The following SH3RF2 variants were observed in gnomAD, a reference collection of about 807,000 sequenced individuals.
SH3RF2 encodes the protein SH3 domain containing ring finger 2.
A neutral mutation model predicts 59.0 loss-of-function variants in SH3RF2; 43 were observed. That is an observed-to-expected ratio of 0.73 (90% CI 0.57 to 0.94). The LOEUF is 0.94. Ranked by LOEUF, SH3RF2 falls within the 40% of genes least tolerant of loss-of-function variation. SH3RF2 has a pLI of 0.00. For missense variants in SH3RF2, 930 were observed against 940.1 expected, an observed-to-expected ratio of 0.99 and a Z score of 0.14; for synonymous variants, 391 against 391.5, an observed-to-expected ratio of 1.00 and a Z score of 0.01.
intron 9 of SH3RF2, among the ~76,000 whole-genome samples, chr5:146,068,684 T>G (rs574880676): frequency 1.3e-5 from 2 of 152,306 alleles, no homozygotes; most frequent in Admixed American, 1.3e-4. Context: ...TTTCCAGGCC[T>G]AGATTATGTC....
chr5:146,047,497 G>A (rs554567364), intron 5 of SH3RF2, among the ~76,000 whole-genome samples: 27 of 152,176 alleles, frequency 1.8e-4, no homozygotes, highest in African/African-American at 5.8e-4. Flanking sequence ...GTGCCCTGTG[G>A]ACTGTAAATT....
chr5:145,948,345 G>A (rs1006058107), intron 2 of SH3RF2, among the ~76,000 whole-genome samples: 4 of 152,222 alleles, frequency 2.6e-5, no homozygotes, highest in Non-Finnish European at 5.9e-5. Flanking sequence ...ATGACACTGA[G>A]GATTGCAAAC....
In SH3RF2 at chr5:145,957,554, G is replaced by A. The variant is rs531852210; in HGVS notation, c.378+19248G>A. ...AACTATTGCAGCCCCTATGTGAGGT[G>A]GGTACTATTATCTCTATTCCCATTT... On this transcript the variant is annotated intron_variant, in intron 2 of 9. Coordinates refer to ENST00000359120, the MANE Select transcript of SH3RF2 (RefSeq NM_152550.4). 2.6e-5 allele frequency among the ~76,000 whole-genome samples: 4 copies of A among 152,208 alleles called. No homozygotes were observed. In the South Asian group the frequency reaches 8.3e-4, roughly 32 times the overall value.
At chr5:145,964,537 C>T (rs940236444) in intron 2 of SH3RF2, among the ~76,000 whole-genome samples, 1 of 152,052 alleles carries the variant, frequency 6.6e-6, no homozygotes, top group Non-Finnish European at 1.5e-5. Context: ...AAACTCCTGA[C>T]CTCAGATGAC....
At chr5:145,972,480 C>A (rs1275421619) in intron 2 of SH3RF2, among the ~76,000 whole-genome samples, 1 of 152,200 alleles carries the variant, frequency 6.6e-6, no homozygotes, top group Non-Finnish European at 1.5e-5. Context: ...CCACCACCAC[C>A]CACTTGCCCA....
intron 2 of SH3RF2, among the ~76,000 whole-genome samples, chr5:145,974,990 T>C (rs1443781098): frequency 6.6e-6 from 1 of 152,224 alleles, no homozygotes; most frequent in Non-Finnish European, 1.5e-5. Context: ...CTCATGTGTC[T>C]GAACTCTTTT....
downstream of SH3RF2, among the ~76,000 whole-genome samples, chr5:146,064,101 T>C (rs866901779): frequency 1.3e-5 from 2 of 150,842 alleles, no homozygotes; most frequent in Non-Finnish European, 3.0e-5. Flanking sequence ...ATAAAAAGGG[T>C]AGGACAAAGA....
rs143265629 is a variant in SH3RF2 at position 146,061,508 on chromosome 5, G to T, written c.1915-918G>T. On this transcript the variant is annotated intron_variant, in intron 9 of 9. Coordinates refer to ENST00000359120, the MANE Select transcript of SH3RF2 (RefSeq NM_152550.4). ...ATGCCCAGACCTTGGCTAGATATTA[G>T]GAGGATCAGAACGTATGAAGAAACT... Among the ~76,000 whole-genome samples, 1,299 of 152,256 alleles carry T rather than the reference G, an allele frequency of 8.5e-3. 21 individuals carry two copies. The highest frequency in any genetic ancestry group is 0.03 in the African/African-American group (1,240 of 41,524).
intron 5 of SH3RF2, among the ~76,000 whole-genome samples, chr5:146,037,116 A>G (rs1476285556): frequency 2.0e-5 from 3 of 152,248 alleles, no homozygotes; most frequent in Non-Finnish European, 2.9e-5. Flanking sequence ...TAATAGTGAC[A>G]ATGGTAACCA....
intron 2 of SH3RF2, among the ~76,000 whole-genome samples, chr5:145,977,738 T>A (rs965353620): frequency 6.6e-6 from 1 of 152,224 alleles, no homozygotes; most frequent in African/African-American, 2.4e-5. Flanking sequence ...AGCTCACATT[T>A]AGCCTTCCCA....
In SH3RF2 at chr5:146,063,230, T is replaced by A. The variant is rs149809872; in HGVS notation, c.*529T>A. 6.5e-6 allele frequency: 1 copy of A among 153,420 alleles called. No individual in the cohort carries two copies. Among genetic ancestry groups the A allele is most frequent in the Non-Finnish European group, 1.5e-5 (1 of 68,944 alleles). 9.5% of individuals were successfully genotyped at this position (153,420 alleles called of 1,614,324 possible). A position where few individuals can be genotyped will look rare whatever the true frequency, so the allele number is the denominator to read the frequency against. ...ATCCTGGCTGCAAAGGGAGGATTTC[T>A]GCGCGGGGTGTGAGGTGGATACTTT... On this transcript the variant is annotated 3_prime_UTR_variant, in exon 10 of 10. Transcript: ENST00000359120.
At chr5:145,981,590 G>A (rs1759509267) in intron 2 of SH3RF2, among the ~76,000 whole-genome samples, 1 of 152,128 alleles carries the variant, frequency 6.6e-6, no homozygotes, top group African/African-American at 2.4e-5. Flanking sequence ...CACTTTCTGA[G>A]TTTTTCCTAT....
intron 2 of SH3RF2, among the ~76,000 whole-genome samples, chr5:145,965,437 G>A (rs926218052): frequency 1.6e-4 from 25 of 152,154 alleles, no homozygotes; most frequent in East Asian, 1.5e-3. Flanking sequence ...AAATCTGTTC[G>A]GAGCCATCAT....
chr5:146,037,351 C>T (rs1219362256), intron 5 of SH3RF2, among the ~76,000 whole-genome samples: 1 of 152,186 alleles, frequency 6.6e-6, no homozygotes, highest in African/African-American at 2.4e-5. Flanking sequence ...ATTCTGTTAG[C>T]CGTGGCTGCA....
intron 5 of SH3RF2, chr5:146,043,747 T>C (rs189802860): frequency 1.7e-4 from 26 of 152,350 alleles, no homozygotes; most frequent in Admixed American, 9.2e-4. Flanking sequence ...GTCTTCAGTG[T>C]CCTGCATCTT....
chr5:145,995,646 GA>G (rs1760119523), intron 2 of SH3RF2, among the ~76,000 whole-genome samples: 1 of 151,932 alleles, frequency 6.6e-6, no homozygotes, highest in Non-Finnish European at 1.5e-5. Context: ...TTTTATTATA[GA>G]AAAGTTAGAG....
intron 2 of SH3RF2, among the ~76,000 whole-genome samples, chr5:145,980,786 A>T (rs1039930714): frequency 9.9e-5 from 15 of 152,222 alleles, no homozygotes; most frequent in African/African-American, 3.4e-4. Context: ...CAAACTTATT[A>T]TAAGTATTTC....
chr5:145,972,815 C>T (rs1229293079), intron 2 of SH3RF2, among the ~76,000 whole-genome samples: 1 of 152,068 alleles, frequency 6.6e-6, no homozygotes, highest in East Asian at 1.9e-4. Flanking sequence ...TAAATAGGGC[C>T]TTGTAGAGCT....
chr5:146,000,338 G>A lies in SH3RF2; in HGVS notation c.648+11G>A. ...CTGACCTTCCTCAAGGTAGGATTCT[G>A]GGTGGCCACCAGAGTCACCTGGGAC... On this transcript the variant is annotated intron_variant, in intron 3 of 9. Transcript: ENST00000359120. 1 of 1,610,258 alleles carries A rather than the reference G, an allele frequency of 6.2e-7. No homozygotes were observed. The highest frequency in any genetic ancestry group is 8.5e-7 in the Non-Finnish European group (1 of 1,178,848).
Sources: allele counts gnomAD v4.1 joint callset (sites outside exome capture counted in the v4.1 genomes callset), GRCh38; gene constraint gnomAD v4.1.1; transcripts MANE v1.5; gene names NCBI Gene and HGNC (gene_info 2026-07-23, HGNC 2026-07-21).